Variants in SLC27A2 observed in about 807,000 individuals in gnomAD.
The protein encoded by SLC27A2 is solute carrier family 27 member 2.
SLC27A2 carries 54 observed loss-of-function variants against 60.0 expected under a neutral mutation model. That is an observed-to-expected ratio of 0.90 (90% CI 0.72 to 1.13). The LOEUF (loss-of-function observed/expected upper bound fraction) is 1.13, where lower values mean the gene tolerates loss of function less well. SLC27A2 is among the 50% of genes most tolerant of loss of function. SLC27A2 has a pLI of 0.00. For synonymous variants in SLC27A2, 297 were observed against 297.6 expected, an observed-to-expected ratio of 1.00 and a Z score of 0.02; for missense variants, 739 against 777.6, an observed-to-expected ratio of 0.95 and a Z score of 0.59.
At chr15:50,226,737 A>G (rs1381098517) in intron 6 of SLC27A2, among the ~76,000 whole-genome samples, 1 of 152,210 alleles carries the variant, frequency 6.6e-6, no homozygotes, top group African/African-American at 2.4e-5. Context: ...ATCTCAGAAA[A>G]ATAAAAATAA....
At chr15:50,189,696 GAGA>G (rs1329006845) in intron 1 of SLC27A2, among the ~76,000 whole-genome samples, 5 of 152,206 alleles carry the variant, frequency 3.3e-5, no homozygotes, top group African/African-American at 1.2e-4. Context: ...GAATCTGAAA[GAGA>G]AGGATAGAGT....
intron 4 of SLC27A2, among the ~76,000 whole-genome samples, chr15:50,212,424 T>C (rs1474021834): frequency 6.6e-6 from 1 of 152,166 alleles, no homozygotes; most frequent in African/African-American, 2.4e-5. Context: ...GACATGCAAA[T>C]ACATGAAGCA....
At chr15:50,202,085 C>T (rs1045407966) in intron 2 of SLC27A2, among the ~76,000 whole-genome samples, 1 of 152,142 alleles carries the variant, frequency 6.6e-6, no homozygotes, top group Non-Finnish European at 1.5e-5. Flanking sequence ...GACAGTCATT[C>T]CTCTGTTTCT....
chr15:50,235,840 T>A (rs1409637566), intron 9 of SLC27A2, 80 bp from the exon 10 acceptor site: 2 of 1,033,458 alleles, frequency 1.9e-6, no homozygotes, highest in African/African-American at 1.6e-5. Context: ...TAGATCCCCA[T>A]GCCCCACCCC....
In SLC27A2 at chr15:50,236,172, T is replaced by TTTGA. The variant is rs1388527727; in HGVS notation, c.*81_*84dup. ...GCCACTTGATATAATCCAACTTTAA[T>TTTGA]TTGATTGAAGATTGTGAGGAAATTT... On this transcript the variant is annotated 3_prime_UTR_variant, in exon 10 of 10. Coordinates refer to ENST00000267842, the MANE Select transcript of SLC27A2 (RefSeq NM_003645.4). 4.6e-6 allele frequency: 6 copies of TTTGA among 1,291,828 alleles called. No homozygotes were observed. The highest frequency in any genetic ancestry group is 6.3e-6 in the Non-Finnish European group (6 of 954,528). The allele number at this position is 1,291,828 out of a possible 1,614,324, so 80.0% of individuals were successfully genotyped here. A position where few individuals can be genotyped will look rare whatever the true frequency, so the allele number is the denominator to read the frequency against.
intron 4 of SLC27A2, among the ~76,000 whole-genome samples, chr15:50,205,821 T>C (rs985198678): frequency 1.3e-5 from 2 of 152,222 alleles, no homozygotes; most frequent in African/African-American, 2.4e-5. Context: ...TGTAATATCT[T>C]TGATGGCTGG....
At chr15:50,234,142 C>G (rs927680054) in intron 9 of SLC27A2, 144 bp downstream of exon 9, 2 of 810,946 alleles carry the variant, frequency 2.5e-6, no homozygotes, top group Non-Finnish European at 3.9e-6. Flanking sequence ...TGTCATAGAC[C>G]AATAAGGAAG....
At chr15:50,235,516 A>G (rs916274664) in intron 9 of SLC27A2, among the ~76,000 whole-genome samples, 1 of 152,196 alleles carries the variant, frequency 6.6e-6, no homozygotes, top group Admixed American at 6.5e-5. Flanking sequence ...GGAATAAAAA[A>G]TACCTCACAA....
intron 4 of SLC27A2, among the ~76,000 whole-genome samples, chr15:50,219,798 C>G (rs2414040): frequency 0.15 from 22,832 of 152,114 alleles, 1,775 homozygotes; most frequent in Middle Eastern, 0.18. Context: ...CCTCTCTGGA[C>G]ATCTTGACCT....
intron 9 of SLC27A2, 74 bp from the exon 10 acceptor site, chr15:50,235,846 A>C: frequency 8.7e-7 from 1 of 1,148,412 alleles, no homozygotes; most frequent in Non-Finnish European, 1.2e-6. Context: ...CCCATGCCCC[A>C]CCCCTACCCC....
chr15:50,192,148 G>C (rs1010511644), intron 1 of SLC27A2, among the ~76,000 whole-genome samples: 4 of 151,924 alleles, frequency 2.6e-5, no homozygotes, highest in Admixed American at 1.3e-4. Flanking sequence ...ATATCAACTA[G>C]ATAGTTGACA....
rs765513083 is a variant in SLC27A2, at chr15:50,233,945, CA to C, written c.1634del (p.His545ProfsTer15). ...HEFDGKKLFQ[H>X]IADYLPSYAR... ...ATTTGATGGAAAGAAACTCTTTCAGCACATTGCTGATTACCTACCTAGTTAT... is the reference window on the plus strand; with the variant it reads ...ATTTGATGGAAAGAAACTCTTTCAGCCATTGCTGATTACCTACCTAGTTAT... On this transcript the variant is annotated frameshift_variant, in exon 9 of 10. Transcript: ENST00000267842. LOFTEE classifies it high-confidence loss of function. 41 of 1,613,790 alleles carry C rather than the reference CA, an allele frequency of 2.5e-5. No homozygotes were observed. Among genetic ancestry groups the C allele is most frequent in the Non-Finnish European group, 3.1e-5 (37 of 1,179,698 alleles).
chr15:50,223,292 A>T, intron 5 of SLC27A2, 133 bp downstream of exon 5: 1 of 587,388 alleles, frequency 1.7e-6, no homozygotes. Flanking sequence ...TCACCAAGAG[A>T]AGTTTTGCTC....
chr15:50,209,911 G>C (rs1405502474), intron 4 of SLC27A2, among the ~76,000 whole-genome samples: 1 of 152,090 alleles, frequency 6.6e-6, no homozygotes, highest in Non-Finnish European at 1.5e-5. Context: ...TTGCAACCAT[G>C]AACTACATAG....
chr15:50,204,172 T>G (rs2045089036), intron 3 of SLC27A2, among the ~76,000 whole-genome samples: 1 of 152,106 alleles, frequency 6.6e-6, no homozygotes, highest in African/African-American at 2.4e-5. Context: ...ATTTAAAATA[T>G]TGCATGAATG....
At chr15:50,219,041 T>G (rs2045223464) in intron 4 of SLC27A2, among the ~76,000 whole-genome samples, 1 of 152,238 alleles carries the variant, frequency 6.6e-6, no homozygotes, top group Non-Finnish European at 1.5e-5. Context: ...AAAAATTTGT[T>G]CATAGTGTAT....
At chr15:50,185,796 A>AT (rs1218446934) in intron 1 of SLC27A2, among the ~76,000 whole-genome samples, 1 of 151,602 alleles carries the variant, frequency 6.6e-6, no homozygotes, top group Non-Finnish European at 1.5e-5. Context: ...CGCCCGGATA[A>AT]TTTTTTGTAT....
intron 9 of SLC27A2, among the ~76,000 whole-genome samples, chr15:50,235,165 G>T (rs1028026909): frequency 2.0e-5 from 3 of 152,156 alleles, no homozygotes; most frequent in African/African-American, 2.4e-5. Flanking sequence ...TCCAGATATT[G>T]TGTGTATAGG....
At chr15:50,231,141 C>CTT (rs34060039) in intron 8 of SLC27A2, among the ~76,000 whole-genome samples, 34 of 128,580 alleles carry the variant, frequency 2.6e-4, no homozygotes, top group African/African-American at 5.7e-4. Flanking sequence ...GAATTGTACA[C>CTT]TTTTTTTTTT....
Sources: gnomAD v4.1 joint callset for allele counts (sites outside exome capture counted in the v4.1 genomes callset) on GRCh38, gnomAD v4.1.1 for gene constraint, MANE v1.5 for transcripts, NCBI Gene and HGNC (gene_info 2026-07-23, HGNC 2026-07-21) for gene names.